LYPD1: variants seen among roughly 807,000 people sequenced by gnomAD.
LYPD1 encodes the protein ly6/PLAUR domain-containing protein 1.
In LYPD1, 14 loss-of-function variants were observed where a neutral mutation model predicts 14.2. The observed-to-expected ratio is 0.99, with a 90% CI of 0.65 to 1.54. The LOEUF (loss-of-function observed/expected upper bound fraction) is 1.54. Ranked by LOEUF, LYPD1 falls within the 40% of genes most tolerant of loss-of-function variation. The pLI, the probability that LYPD1 is intolerant of heterozygous loss-of-function variation, is 0.00. For synonymous variants in LYPD1, 85 were observed against 70.6 expected (o/e 1.20, Z -1.02); for missense variants, 165 against 175.7 (o/e 0.94, Z 0.34).
chr2:132,666,220 C>T (rs1474399021), intron 2 of LYPD1, among the ~76,000 whole-genome samples: 1 of 152,196 alleles, frequency 6.6e-6, no homozygotes, highest in Non-Finnish European at 1.5e-5. Context: ...GGTTTGCTCT[C>T]TATCCTTATT....
Position 132,662,714 on chromosome 2 carries a change from G to A in LYPD1, c.190+5686C>T, listed in dbSNP as rs187142873. Among the ~76,000 whole-genome samples, 8 of 152,216 alleles carry A rather than the reference G, an allele frequency of 5.3e-5. No homozygotes were observed. In the East Asian group the frequency reaches 1.3e-3, roughly 26 times the overall value. On this transcript the variant is annotated intron_variant, in intron 2 of 2. Transcript: ENST00000397463. ...TTCCTTTTCAAAGTTCAAAGAAAAT[G>A]GTATGTTTTGTTTTCATACTTCGTT...
chr2:132,653,519 A>G (rs1249390412), intron 2 of LYPD1, among the ~76,000 whole-genome samples: 1 of 152,222 alleles, frequency 6.6e-6, no homozygotes, highest in Non-Finnish European at 1.5e-5. Flanking sequence ...TGCAGAAGGA[A>G]TGAGGGAAAT....
In LYPD1 at chr2:132,644,816, A is replaced by T. The variant is rs1046155536; in HGVS notation, c.*1229T>A. 1.3e-5 allele frequency: 5 copies of T among 386,016 alleles called. No homozygotes were observed. The highest frequency in any genetic ancestry group is 4.5e-5 in the East Asian group (1 of 22,200). 23.9% of individuals were successfully genotyped at this position (386,016 alleles called of 1,614,324 possible). A position where few individuals can be genotyped will look rare whatever the true frequency, so the allele number is the denominator to read the frequency against. ...TACGCAAACAAACACCAATGAAAACATTTTTTTAAAATTAACAGACATCAA... is the reference window on the plus strand; with the variant it reads ...TACGCAAACAAACACCAATGAAAACTTTTTTTTAAAATTAACAGACATCAA... On this transcript the variant is annotated 3_prime_UTR_variant, in exon 3 of 3. Coordinates refer to ENST00000397463, the MANE Select transcript of LYPD1 (RefSeq NM_144586.7).
rs1473543196 is a variant in LYPD1 at position 132,645,073 on chromosome 2, T to C, written c.*972A>G. 6.3e-7 allele frequency: 1 copy of C among 1,586,792 alleles called. No individual in the cohort carries two copies. Among genetic ancestry groups the C allele is most frequent in the Non-Finnish European group, 8.6e-7 (1 of 1,165,556 alleles). ...TCATGCTGTGTTTTTCTTTTCTCTG[T>C]CTCTCCCTCCTGCTCGTGTCTGCCC... On this transcript the variant is annotated 3_prime_UTR_variant, in exon 3 of 3. Transcript: ENST00000397463.
At chr2:132,655,546 G>A (rs188050940) in intron 2 of LYPD1, among the ~76,000 whole-genome samples, 5,841 of 118,160 alleles carry the variant, frequency 0.049, 449 homozygotes, top group African/African-American at 0.2. Context: ...ATGGAGTCTC[G>A]CTCTGTCGCC....
intron 2 of LYPD1, among the ~76,000 whole-genome samples, chr2:132,653,788 T>G (rs1384309468): frequency 6.6e-6 from 1 of 152,210 alleles, no homozygotes; most frequent in African/African-American, 2.4e-5. Context: ...CTTGCTACAG[T>G]GCACTGAGAA....
Position 132,670,150 on chromosome 2 carries a change from G to A in LYPD1, c.-218C>T, listed in dbSNP as rs1683594595. 2.2e-6 allele frequency: 3 copies of A among 1,368,978 alleles called. No homozygotes were observed. Among genetic ancestry groups the A allele is most frequent in the African/African-American group, 3.1e-5 (2 of 64,594 alleles). 84.8% of individuals were successfully genotyped at this position (1,368,978 alleles called of 1,614,324 possible). ...CCGGCTGCGGGTCTCTGCTCCTCCC[G>A]CTCGCGCTCCCGGGCCGAGCACCGC... On this transcript the variant is annotated 5_prime_UTR_variant, in exon 1 of 3. Coordinates refer to ENST00000397463, the MANE Select transcript of LYPD1 (RefSeq NM_144586.7). This position sits in a 1 kb window ranked among gnomAD's most constrained non-coding sequence, Gnocchi z 4.5.
chr2:132,651,066 T>A (rs1255375806), intron 2 of LYPD1, among the ~76,000 whole-genome samples: 1 of 152,150 alleles, frequency 6.6e-6, no homozygotes, highest in Admixed American at 6.5e-5. Flanking sequence ...TAAAAATGTA[T>A]GGAAAAATAC....
intron 1 of LYPD1, 71 bp from the exon 2 acceptor site, chr2:132,668,608 A>T: frequency 6.4e-7 from 1 of 1,573,256 alleles, no homozygotes. Context: ...CGACCATCCC[A>T]CGCCTCAGAG....
Position 132,670,147 on chromosome 2 carries a change from C to G in LYPD1, c.-215G>C. The stretch of plus-strand genomic sequence containing the variant: ...CTCCCGGCTGCGGGTCTCTGCTCCT[C>G]CCGCTCGCGCTCCCGGGCCGAGCAC... On this transcript the variant is annotated 5_prime_UTR_variant, in exon 1 of 3. Coordinates refer to ENST00000397463, the MANE Select transcript of LYPD1 (RefSeq NM_144586.7). This position sits in a 1 kb window ranked among gnomAD's most constrained non-coding sequence, Gnocchi z 4.5. The G allele has an allele frequency of 7.2e-7, 1 of 1,379,418 alleles. No individual in the cohort carries two copies. Among genetic ancestry groups the G allele is most frequent in the Non-Finnish European group, 9.3e-7 (1 of 1,074,550 alleles). 85.4% of individuals were successfully genotyped at this position (1,379,418 alleles called of 1,614,324 possible). A position where few individuals can be genotyped will look rare whatever the true frequency, so the allele number is the denominator to read the frequency against.
At chr2:132,651,374 G>C (rs1394128778) in intron 2 of LYPD1, among the ~76,000 whole-genome samples, 2 of 152,096 alleles carry the variant, frequency 1.3e-5, no homozygotes, top group African/African-American at 2.4e-5. Flanking sequence ...TCACGGGGCA[G>C]GGGTATTTGT....
Position 132,647,042 on chromosome 2 carries a change from G to C in LYPD1, c.191-762C>G, listed in dbSNP as rs1295471528. ...TGCAGTATAGTCAGTCATCAAATTA[G>C]GGTGTCTTAATCATAAGGTGGAAGT... On this transcript the variant is annotated intron_variant, in intron 2 of 2. Transcript: ENST00000397463. Among the ~76,000 whole-genome samples, 35 of 152,170 alleles carry C rather than the reference G, an allele frequency of 2.3e-4. 1 individual carries two copies.
intron 2 of LYPD1, among the ~76,000 whole-genome samples, chr2:132,648,247 T>TTAAG (rs1682210796): frequency 6.6e-6 from 1 of 151,778 alleles, no homozygotes; most frequent in Non-Finnish European, 1.5e-5. Flanking sequence ...CCTTTTTTCT[T>TTAAG]TAAGTGAATT....
chr2:132,654,272 T>C (rs955825487), intron 2 of LYPD1, among the ~76,000 whole-genome samples: 1 of 151,948 alleles, frequency 6.6e-6, no homozygotes, highest in African/African-American at 2.4e-5. Flanking sequence ...ATGGTGGCGC[T>C]TGCCTGTGGT....
At chr2:132,667,134 GTTTT>G (rs1429576108) in intron 2 of LYPD1, 2 of 152,156 alleles carry the variant, frequency 1.3e-5, no homozygotes, top group African/African-American at 4.8e-5. Flanking sequence ...CGCCAAGTTT[GTTTT>G]GTTTTGCATC....
At chr2:132,661,986 T>TG (rs1182734616) in intron 2 of LYPD1, among the ~76,000 whole-genome samples, 3 of 150,798 alleles carry the variant, frequency 2.0e-5, no homozygotes, top group African/African-American at 7.3e-5. Context: ...CTTGAATTCC[T>TG]GTCCCACTGG....
chr2:132,649,124 A>T (rs1039791464), intron 2 of LYPD1, among the ~76,000 whole-genome samples: 1 of 152,190 alleles, frequency 6.6e-6, no homozygotes. Context: ...AGCTTTGGAG[A>T]CATTCAAGAA....
At chr2:132,647,696 C>CTAGACT (rs1682179529) in intron 2 of LYPD1, among the ~76,000 whole-genome samples, 1 of 152,070 alleles carries the variant, frequency 6.6e-6, no homozygotes, top group African/African-American at 2.4e-5. Flanking sequence ...AATACTAAAG[C>CTAGACT]TAGACTTAGA....
chr2:132,667,956 A>C (rs1683379603), intron 2 of LYPD1, among the ~76,000 whole-genome samples: 1 of 152,214 alleles, frequency 6.6e-6, no homozygotes, highest in Non-Finnish European at 1.5e-5. Context: ...AGTGTTCTTC[A>C]AGGAAATATG....
Sources: allele counts gnomAD v4.1 joint callset (sites outside exome capture counted in the v4.1 genomes callset), GRCh38; gene constraint gnomAD v4.1.1; non-coding constraint Gnocchi (gnomAD v3.1); transcripts MANE v1.5; gene names NCBI Gene and HGNC (gene_info 2026-07-23, HGNC 2026-07-21).